The following CUX1 variants were observed in gnomAD, a reference collection of about 807,000 sequenced individuals.
CUX1 encodes the protein cut like homeobox 1, also known as protein CASP.
Under a neutral mutation model 158.8 loss-of-function variants are expected in CUX1, and 31 were observed. The ratio of observed to expected loss-of-function variants is 0.20; its 90% CI spans 0.15 to 0.26. The LOEUF (loss-of-function observed/expected upper bound fraction) is 0.26, where lower values mean the gene tolerates loss of function less well. Ranked by LOEUF, CUX1 falls within the 10% of genes least tolerant of loss-of-function variation. The probability of loss-of-function intolerance (pLI) is 1.00; values close to 1 mark genes in which losing one functional copy is unlikely to be tolerated. For missense variants in CUX1, 1,589 were observed against 2,014.6 expected, an observed-to-expected ratio of 0.79 and a Z score of 4.04; for synonymous variants, 879 against 862.1, an observed-to-expected ratio of 1.02 and a Z score of -0.34.
At chr7:102,125,875 C>T (rs1295898737) in intron 8 of CUX1, 1 of 151,982 alleles carries the variant, frequency 6.6e-6, no homozygotes, top group Non-Finnish European at 1.5e-5. Context: ...ATCACCCAGG[C>T]TGGAGTGCGG....
intron 1 of CUX1, among the ~76,000 whole-genome samples, chr7:101,837,129 A>T (rs1794719491): frequency 6.6e-6 from 1 of 152,210 alleles, no homozygotes; most frequent in Non-Finnish European, 1.5e-5. Context: ...TTACAGTGAC[A>T]TCTTTGAGAT....
intron 22 of CUX1, 42 bp downstream of exon 22, chr7:102,234,282 C>T: frequency 6.9e-7 from 1 of 1,440,764 alleles, no homozygotes; most frequent in East Asian, 2.6e-5. Flanking sequence ...CGTCCGCATT[C>T]ATAGACAGGC....
At chr7:102,274,359 G>A in intron 16 of CUX1, 1 of 1,527,058 alleles carries the variant, frequency 6.5e-7, no homozygotes, top group Middle Eastern at 1.7e-4. Context: ...GGGAAGAGGA[G>A]ACAGGTGATA....
chr7:101,946,560 A>G (rs1808399699), intron 2 of CUX1, among the ~76,000 whole-genome samples: 2 of 150,314 alleles, frequency 1.3e-5, no homozygotes, highest in African/African-American at 4.9e-5. Flanking sequence ...AAAAAAAAAA[A>G]AAAAAGAGAG....
intron 2 of CUX1, among the ~76,000 whole-genome samples, chr7:101,950,273 G>A (rs1011256222): frequency 1.3e-5 from 2 of 152,146 alleles, no homozygotes; most frequent in African/African-American, 4.8e-5. Flanking sequence ...GCCTCCCAAA[G>A]TGTTGGGATT....
chr7:102,257,518 AAAG>A lies in CUX1; in HGVS notation c.*8480_*8482del. 1.0e-6 allele frequency: 1 copy of A among 985,400 alleles called. No homozygotes were observed. The highest frequency in any genetic ancestry group is 1.2e-6 in the Non-Finnish European group (1 of 829,920). 61.0% of individuals were successfully genotyped at this position (985,400 alleles called of 1,614,324 possible). On this transcript the variant is annotated 3_prime_UTR_variant, in exon 24 of 24. Transcript: ENST00000292535. ...TGTTATAAAATAAAAGTGGGGGTAA[AAAG>A]AAGGTGGTTTTCCCCACATCCCTTT... is the stretch of plus-strand genomic sequence containing the variant.
chr7:102,163,677 T>C (rs1790702872), intron 9 of CUX1, among the ~76,000 whole-genome samples: 1 of 152,168 alleles, frequency 6.6e-6, no homozygotes, highest in Admixed American at 6.5e-5. Flanking sequence ...AGAGATGGCA[T>C]GGGCCTGAGC....
At chr7:102,050,866 C>G (rs1313079073) in intron 3 of CUX1, among the ~76,000 whole-genome samples, 1 of 152,032 alleles carries the variant, frequency 6.6e-6, no homozygotes, top group Non-Finnish European at 1.5e-5. Context: ...CCACTCCCTG[C>G]TAAGACCCTG....
intron 3 of CUX1, among the ~76,000 whole-genome samples, chr7:102,055,303 C>T (rs10245459): frequency 0.14 from 22,003 of 151,846 alleles, 1,672 homozygotes; most frequent in Middle Eastern, 0.22. Flanking sequence ...GCATTGAGCT[C>T]CACTTTTTTA....
intron 2 of CUX1, among the ~76,000 whole-genome samples, chr7:101,970,125 G>A (rs985891711): frequency 3.3e-5 from 5 of 151,934 alleles, no homozygotes; most frequent in East Asian, 1.9e-4. Flanking sequence ...GTGGCAGATC[G>A]GCCTTTCTAA....
chr7:102,154,685 A>G (rs1836070127), intron 8 of CUX1, among the ~76,000 whole-genome samples: 1 of 152,218 alleles, frequency 6.6e-6, no homozygotes, highest in Admixed American at 6.5e-5. Flanking sequence ...GCAGCAAGAA[A>G]AGGATAAAGA....
At chr7:102,044,461 A>G (rs1220797659) in intron 3 of CUX1, among the ~76,000 whole-genome samples, 2 of 151,010 alleles carry the variant, frequency 1.3e-5, no homozygotes, top group African/African-American at 4.9e-5. Flanking sequence ...AAGTGCCGGG[A>G]TTACAGGTGT....
intron 1 of CUX1, among the ~76,000 whole-genome samples, chr7:101,854,643 T>A (rs1341173273): frequency 6.6e-6 from 1 of 152,220 alleles, no homozygotes; most frequent in East Asian, 1.9e-4. Context: ...ACACCCTGTC[T>A]CCCATTTCTG....
At chr7:101,842,277 G>A (rs893448935) in intron 1 of CUX1, among the ~76,000 whole-genome samples, 9 of 152,162 alleles carry the variant, frequency 5.9e-5, no homozygotes, top group East Asian at 1.9e-4. Context: ...AGAAAAAAAC[G>A]TTATATATGC....
chr7:102,056,898 T>C (rs1228546123), intron 3 of CUX1, among the ~76,000 whole-genome samples: 1 of 113,896 alleles, frequency 8.8e-6, no homozygotes, highest in East Asian at 3.8e-4. Flanking sequence ...TTTTGTTTTT[T>C]GTTTTCTGGT....
chr7:102,090,371 T>G (rs1554481839), intron 4 of CUX1, among the ~76,000 whole-genome samples: 1 of 151,994 alleles, frequency 6.6e-6, no homozygotes, highest in Non-Finnish European at 1.5e-5. Flanking sequence ...GATACCGTTT[T>G]TTTTTTTGTT....
In CUX1 at chr7:102,254,374, C is replaced by T. The variant is rs182590466; in HGVS notation, c.*5332C>T. ...CTCTGGCATGGTTTTAGCGTCACTG[C>T]GAACACTCCTTTGCAAACATCAAAC... On this transcript the variant is annotated 3_prime_UTR_variant, in exon 24 of 24. Coordinates refer to ENST00000292535, the MANE Select transcript of CUX1 (RefSeq NM_181552.4). The T allele has an allele frequency of 9.1e-6, 9 of 985,402 alleles. No individual in the cohort carries two copies. The highest frequency in any genetic ancestry group is 9.4e-5 in the South Asian group (2 of 21,274). The allele number at this position is 985,402 out of a possible 1,614,324, so 61.0% of individuals were successfully genotyped here.
At position 102,256,100 on chromosome 7, in the gene CUX1, G is replaced by A; in HGVS notation, c.*7058G>A. ...CCCAGCCTGCCTCTTGGTGACCACT[G>A]TGCTGGGCGTGCAGGGCCCGCGGGC... On this transcript the variant is annotated 3_prime_UTR_variant, in exon 24 of 24. Coordinates refer to ENST00000292535, the MANE Select transcript of CUX1 (RefSeq NM_181552.4). 1 of 985,472 alleles carries A rather than the reference G, an allele frequency of 1.0e-6. No individual in the cohort carries two copies. The highest frequency in any genetic ancestry group is 1.2e-6 in the Non-Finnish European group (1 of 829,948). The allele number at this position is 985,472 out of a possible 1,614,324, so 61.0% of individuals were successfully genotyped here. A position where few individuals can be genotyped will look rare whatever the true frequency, so the allele number is the denominator to read the frequency against.
chr7:102,013,294 C>A (rs796752330), intron 2 of CUX1, among the ~76,000 whole-genome samples: 4 of 152,196 alleles, frequency 2.6e-5, no homozygotes, highest in African/African-American at 9.6e-5. Context: ...TCTATATTTG[C>A]CATATATGGT....
Sources: allele counts gnomAD v4.1 joint callset (sites outside exome capture counted in the v4.1 genomes callset), GRCh38; gene constraint gnomAD v4.1.1; transcripts MANE v1.5; gene names NCBI Gene and HGNC (gene_info 2026-07-23, HGNC 2026-07-21).